The following ERC2 variants were observed in gnomAD, a reference collection of about 807,000 sequenced individuals.
ERC2 encodes ELKS/RAB6-interacting/CAST family member 2, also known as ERC protein 2.
In ERC2, 42 loss-of-function variants were observed where a neutral mutation model predicts 114.8. That is an observed-to-expected ratio of 0.37 (90% CI 0.29 to 0.47). ERC2 has a LOEUF of 0.47. Among genes scored for constraint, ERC2 ranks in the 20% least tolerant of loss-of-function variants. The pLI, the probability that ERC2 is intolerant of heterozygous loss-of-function variation, is 0.99. For synonymous variants in ERC2, 454 were observed against 425.5 expected (o/e 1.07, Z -0.82); for missense variants, 939 against 1,150.7 (o/e 0.82, Z 2.66).
At chr3:56,020,984 G>A (rs1158153877) in intron 7 of ERC2, among the ~76,000 whole-genome samples, 1 of 152,080 alleles carries the variant, frequency 6.6e-6, no homozygotes, top group Non-Finnish European at 1.5e-5. Context: ...GTGGAGACTG[G>A]AGACATGCGA....
chr3:56,065,176 C>T (rs1485128275), intron 7 of ERC2, among the ~76,000 whole-genome samples: 4 of 151,970 alleles, frequency 2.6e-5, no homozygotes, highest in East Asian at 1.9e-4. Context: ...TTAAATAATC[C>T]GGGTCCCCCT....
intron 17 of ERC2, among the ~76,000 whole-genome samples, chr3:55,591,632 G>A (rs1011249927): frequency 6.6e-6 from 1 of 151,798 alleles, no homozygotes; most frequent in African/African-American, 2.4e-5. Flanking sequence ...CAAAGCAGCA[G>A]CTGACCAAGG....
At chr3:55,758,968 GT>G (rs2067238125) in intron 14 of ERC2, among the ~76,000 whole-genome samples, 5 of 152,120 alleles carry the variant, frequency 3.3e-5, no homozygotes, top group Middle Eastern at 3.2e-3. Context: ...AGATAAGGTG[GT>G]TTTTCCTTTT....
At chr3:55,820,664 C>T (rs565774264) in intron 14 of ERC2, among the ~76,000 whole-genome samples, 39 of 152,044 alleles carry the variant, frequency 2.6e-4, no homozygotes, top group Non-Finnish European at 5.0e-4. Context: ...GGTTACACAG[C>T]GAGTAAGTAG....
chr3:56,441,275 C>T (rs989740972), intron 1 of ERC2, among the ~76,000 whole-genome samples: 1 of 152,212 alleles, frequency 6.6e-6, no homozygotes, highest in African/African-American at 2.4e-5. Context: ...TCCAGTGAGA[C>T]AAGCCATGTT....
chr3:56,382,819 T>C (rs1413852950), intron 2 of ERC2, among the ~76,000 whole-genome samples: 1 of 152,128 alleles, frequency 6.6e-6, no homozygotes, highest in Non-Finnish European at 1.5e-5. Flanking sequence ...AGGCTTGCTA[T>C]CTCATCCCTG....
At chr3:55,580,821 T>C (rs970927273) in intron 17 of ERC2, among the ~76,000 whole-genome samples, 3 of 152,028 alleles carry the variant, frequency 2.0e-5, no homozygotes, top group Non-Finnish European at 2.9e-5. Context: ...CTACATGGGG[T>C]TCTAAACAAA....
At chr3:55,718,664 T>C (rs2064265731) in intron 15 of ERC2, among the ~76,000 whole-genome samples, 1 of 152,194 alleles carries the variant, frequency 6.6e-6, no homozygotes, top group African/African-American at 2.4e-5. Flanking sequence ...GTCAGAAGGA[T>C]GCTCTGCCTG....
intron 7 of ERC2, among the ~76,000 whole-genome samples, chr3:56,034,084 T>A (rs957050102): frequency 2.6e-5 from 4 of 152,166 alleles, no homozygotes; most frequent in African/African-American, 9.7e-5. Context: ...TATAGAAGAC[T>A]CACTTTAGCT....
intron 3 of ERC2, among the ~76,000 whole-genome samples, chr3:56,287,906 G>C (rs2054828714): frequency 1.3e-5 from 2 of 152,214 alleles, no homozygotes; most frequent in Admixed American, 1.3e-4. Context: ...TCCTTGGGAA[G>C]TGACTGGCAC....
intron 6 of ERC2, among the ~76,000 whole-genome samples, chr3:56,133,452 T>C (rs1222450625): frequency 6.6e-6 from 1 of 151,832 alleles, no homozygotes; most frequent in Non-Finnish European, 1.5e-5. Flanking sequence ...AATAATAAAA[T>C]AAAATAAAAC....
chr3:55,652,835 G>A lies in ERC2; in HGVS notation c.*39+30959C>T, dbSNP rs539479265. 2.2e-4 allele frequency among the ~76,000 whole-genome samples: 30 copies of A among 134,884 alleles called. No homozygotes were observed. In the South Asian group the frequency reaches 5.4e-3, roughly 24 times the overall value. The allele number at this position is 134,884 out of a possible 152,430, so 88.5% of individuals were successfully genotyped here. A position where few individuals can be genotyped will look rare whatever the true frequency, so the allele number is the denominator to read the frequency against. On this transcript the variant is annotated intron_variant, in intron 17 of 17. Coordinates refer to ENST00000288221, the MANE Select transcript of ERC2 (RefSeq NM_015576.3). ...AGATCACGCCATTGCCCTCCAGCCCGGGCGACAATGCAAGACTCTGTCTCA... is the reference window on the plus strand; with the variant it reads ...AGATCACGCCATTGCCCTCCAGCCCAGGCGACAATGCAAGACTCTGTCTCA...
At chr3:55,905,300 C>T (rs894858429) in intron 13 of ERC2, among the ~76,000 whole-genome samples, 3 of 152,118 alleles carry the variant, frequency 2.0e-5, no homozygotes, top group African/African-American at 4.8e-5. Context: ...AGGTTGGTCT[C>T]GAACTCCTGA....
chr3:56,024,632 T>C (rs970603797), intron 7 of ERC2, among the ~76,000 whole-genome samples: 3 of 152,208 alleles, frequency 2.0e-5, no homozygotes, highest in African/African-American at 4.8e-5. Context: ...AACCAAGTGT[T>C]AGCAGTTTCA....
At chr3:55,733,032 A>G (rs987344395) in intron 15 of ERC2, among the ~76,000 whole-genome samples, 2 of 152,152 alleles carry the variant, frequency 1.3e-5, no homozygotes, top group Non-Finnish European at 2.9e-5. Flanking sequence ...GACCAGTGGT[A>G]CTTGGCCGTA....
At chr3:56,305,559 AATAATC>A (rs1311122226) in intron 2 of ERC2, among the ~76,000 whole-genome samples, 1 of 138,376 alleles carries the variant, frequency 7.2e-6, no homozygotes, top group Non-Finnish European at 1.6e-5. Context: ...CACACACTAT[AATAATC>A]ATAATAGCAG....
At chr3:55,748,411 A>C (rs982868296) in intron 14 of ERC2, among the ~76,000 whole-genome samples, 1 of 152,202 alleles carries the variant, frequency 6.6e-6, no homozygotes, top group Non-Finnish European at 1.5e-5. Flanking sequence ...AGCAAGACAG[A>C]AACCATCCCT....
At chr3:55,863,937 T>C (rs887161226) in intron 14 of ERC2, among the ~76,000 whole-genome samples, 19 of 150,978 alleles carry the variant, frequency 1.3e-4, no homozygotes, top group African/African-American at 4.2e-4. Flanking sequence ...TGGATAGCAC[T>C]AGTCTATAGT....
chr3:55,997,903 TTTTTGTGTGTG>T (rs2071683611), intron 10 of ERC2, among the ~76,000 whole-genome samples: 1 of 42,570 alleles, frequency 2.3e-5, no homozygotes, highest in Admixed American at 3.1e-4. Flanking sequence ...TTTTTTTTTT[TTTTTGTGTGTG>T]TGTGTGTGTT....
Sources: gnomAD v4.1 joint callset for allele counts (sites outside exome capture counted in the v4.1 genomes callset) on GRCh38, gnomAD v4.1.1 for gene constraint, MANE v1.5 for transcripts, NCBI Gene and HGNC (gene_info 2026-07-23, HGNC 2026-07-21) for gene names.